The following UBB variants were observed in gnomAD, a reference collection of about 807,000 sequenced individuals.
The protein encoded by UBB is polyubiquitin-B.
Under a neutral mutation model 12.5 loss-of-function variants are expected in UBB, and 11 were observed. The ratio of observed to expected loss-of-function variants is 0.88; its 90% CI spans 0.55 to 1.45. The LOEUF is 1.45. UBB is among the 40% of genes most tolerant of loss of function. UBB has a pLI of 0.00. For missense variants in UBB, 76 were observed against 286.9 expected (o/e 0.26, Z 5.31); for synonymous variants, 168 against 120.1 (o/e 1.40, Z -2.61).
chr17:16,382,431 T>C lies in UBB; in HGVS notation c.524T>C (p.Ile175Thr). The change falls in exon 2 of 2, where the codon ATC becomes ACC. Residue 175 changes from isoleucine to threonine, a missense_variant. Transcript: ENST00000302182. ...ITLEVEPSDT[I>T]ENVKAKIQDK... ...CTGGAGGTGGAGCCCAGTGACACCA[T>C]CGAAAATGTGAAGGCCAAGATCCAA... The C allele has an allele frequency of 6.2e-7, 1 of 1,608,298 alleles. No individual in the cohort carries two copies. The highest frequency in any genetic ancestry group is 8.5e-7 in the Non-Finnish European group (1 of 1,179,088).
rs750901477 is a variant in UBB at position 16,382,501 on chromosome 17, A to G, written c.594A>G (p.Ala198=). The G allele has an allele frequency of 8.1e-6, 13 of 1,613,248 alleles. No individual in the cohort carries two copies. Among genetic ancestry groups the G allele is most frequent in the Admixed American group, 3.3e-5 (2 of 59,958 alleles). The change falls in exon 2 of 2, where the codon GCA becomes GCG. Residue 198 remains alanine, a synonymous_variant. Transcript: ENST00000302182. ...IPPDQQRLIF[A]GKQLEDGRTL... Reference sequence around the variant, plus strand: ...CCGACCAGCAGAGGCTCATCTTTGCAGGCAAGCAGCTGGAAGATGGCCGCA... The same window carrying G: ...CCGACCAGCAGAGGCTCATCTTTGCGGGCAAGCAGCTGGAAGATGGCCGCA...
chr17:16,381,975 T>C lies in UBB; in HGVS notation c.68T>C (p.Ile23Thr), dbSNP rs1232134357. The C allele has an allele frequency of 3.1e-6, 5 of 1,613,616 alleles. No individual in the cohort carries two copies. The highest frequency in any genetic ancestry group is 2.5e-6 in the Non-Finnish European group (3 of 1,179,832). The change falls in exon 2 of 2, where the codon ATC becomes ACC. Residue 23 changes from isoleucine to threonine, a missense_variant. Physicochemically the swap from Ile to Thr is moderately conservative, Grantham distance 89. Transcript: ENST00000302182. ...CTTGAGGTGGAGCCCAGTGACACCA[T>C]CGAAAATGTGAAGGCCAAGATCCAG... ...ITLEVEPSDT[I>T]ENVKAKIQDK...
In UBB at chr17:16,382,084, C is replaced by G; in HGVS notation, c.177C>G (p.Tyr59Ter). The G allele has an allele frequency of 1.2e-6, 2 of 1,609,088 alleles. No homozygotes were observed. Among genetic ancestry groups the G allele is most frequent in the Non-Finnish European group, 1.7e-6 (2 of 1,178,580 alleles). Residue 59 changes from tyrosine to a stop codon, truncating the protein, a stop_gained, in exon 2 of 2, where the codon TAC becomes TAG. Coordinates refer to ENST00000302182, the MANE Select transcript of UBB (RefSeq NM_018955.4). LOFTEE classifies it high-confidence loss of function. ...AAGATGGCCGTACTCTTTCTGACTA[C>G]AACATCCAGAAGGAGTCGACCCTGC... ...QLEDGRTLSDYNIQKESTLHL... is the reference protein window; with the variant it reads ...QLEDGRTLSD
intron 1 of UBB, 93 bp from the exon 2 acceptor site, chr17:16,381,809 A>G: frequency 6.9e-7 from 1 of 1,441,286 alleles, no homozygotes; most frequent in Non-Finnish European, 9.3e-7. Flanking sequence ...GGCATTTTGA[A>G]GGAATAGTTG....
rs757183745 is a variant in UBB, at chr17:16,382,617, G to T, written c.*20G>T. 3 of 1,613,308 alleles carry T rather than the reference G, an allele frequency of 1.9e-6. No individual in the cohort carries two copies. The highest frequency in any genetic ancestry group is 2.2e-5 in the East Asian group (1 of 44,872). ...TGTTAATTCTTCAGTCATGGCATTCGCAGTGCCCAGTGATGGCATTACTCT... is the reference window on the plus strand; with the variant it reads ...TGTTAATTCTTCAGTCATGGCATTCTCAGTGCCCAGTGATGGCATTACTCT... On this transcript the variant is annotated 3_prime_UTR_variant, in exon 2 of 2. Coordinates refer to ENST00000302182, the MANE Select transcript of UBB (RefSeq NM_018955.4).
chr17:16,381,789 A>T, intron 1 of UBB, 113 bp from the exon 2 acceptor site: 1 of 1,317,680 alleles, frequency 7.6e-7, no homozygotes, highest in Non-Finnish European at 1.0e-6. Flanking sequence ...CGGAATATTA[A>T]CGTATTTAAG....
rs764413059 is a variant in UBB, at chr17:16,382,381, G to A, written c.474G>A (p.Lys158=). Residue 158 remains lysine (K), a synonymous_variant, in exon 2 of 2, where the codon AAG becomes AAA. Transcript: ENST00000302182. ...GAGGTGGTATGCAGATCTTCGTGAA[G>A]ACCCTGACCGGCAAGACCATCACTC... The part of the protein sequence containing the change: ...RLRGGMQIFV[K]TLTGKTITLE... 10 of 1,601,830 alleles carry A rather than the reference G, an allele frequency of 6.2e-6. No homozygotes were observed. Among genetic ancestry groups the A allele is most frequent in the Non-Finnish European group, 2.5e-6 (3 of 1,176,668 alleles).
At chr17:16,381,580 C>T (rs1376423912) in intron 1 of UBB, 1 of 330,524 alleles carries the variant, frequency 3.0e-6, no homozygotes, top group Non-Finnish European at 5.6e-6. Context: ...GTTTTGTTTT[C>T]AGTTTGCCTA....
chr17:16,380,886 C>T (rs2093272307), upstream of UBB: 1 of 153,734 alleles, frequency 6.5e-6, no homozygotes, highest in African/African-American at 2.4e-5. Context: ...GGAAGAGAAG[C>T]GCATAGAGGA....
At position 16,382,719 on chromosome 17, in the gene UBB, A is replaced by C; in HGVS notation, c.*122A>C. On this transcript the variant is annotated 3_prime_UTR_variant, in exon 2 of 2. Coordinates refer to ENST00000302182, the MANE Select transcript of UBB (RefSeq NM_018955.4). ...ATAGCTGAACCTGTTCAAAATGTTAATAAAGGTTTCGTTGCATGGTAGCAT... is the reference window on the plus strand; with the variant it reads ...ATAGCTGAACCTGTTCAAAATGTTACTAAAGGTTTCGTTGCATGGTAGCAT... The C allele has an allele frequency of 7.3e-7, 1 of 1,366,442 alleles. No individual in the cohort carries two copies. The highest frequency in any genetic ancestry group is 9.9e-7 in the Non-Finnish European group (1 of 1,008,368). 84.6% of individuals were successfully genotyped at this position (1,366,442 alleles called of 1,614,324 possible). A position where few individuals can be genotyped will look rare whatever the true frequency, so the allele number is the denominator to read the frequency against.
At position 16,382,090 on chromosome 17, in the gene UBB, C is replaced by T. The variant is rs9908960; in HGVS notation, c.183C>T (p.Ile61=). 35,030 of 1,606,966 alleles carry T rather than the reference C, an allele frequency of 0.022. 759 individuals carry two copies. The highest frequency in any genetic ancestry group is 0.14 in the African/African-American group (10,059 of 72,540). The change falls in exon 2 of 2, where the codon ATC becomes ATT. Residue 61 remains isoleucine (I), a synonymous_variant. Transcript: ENST00000302182. ...GCCGTACTCTTTCTGACTACAACAT[C>T]CAGAAGGAGTCGACCCTGCACCTGG... ...EDGRTLSDYN[I]QKESTLHLVL...
chr17:16,381,782 A>T, intron 1 of UBB, 120 bp from the exon 2 acceptor site: 1 of 1,279,642 alleles, frequency 7.8e-7, no homozygotes, highest in Non-Finnish European at 1.1e-6. Context: ...AGGCTTGCGG[A>T]ATATTAACGT....
At position 16,381,721 on chromosome 17, in the gene UBB, C is replaced by G. The variant is rs1340375691; in HGVS notation, c.-6-181C>G. The G allele has an allele frequency of 1.6e-5, 14 of 883,912 alleles. No individual in the cohort carries two copies. The South Asian group carries it at 1.8e-4, about 12-fold the overall frequency. The allele number at this position is 883,912 out of a possible 1,614,324, so 54.8% of individuals were successfully genotyped here. On this transcript the variant is annotated intron_variant, in intron 1 of 1. Coordinates refer to ENST00000302182, the MANE Select transcript of UBB (RefSeq NM_018955.4). ...GATTTTCCGCTGTTGACGTTGAAAC[C>G]TTGAATGACGAATTTCGTATTAAGT...
Position 16,382,510 on chromosome 17 carries a change from G to A in UBB, c.603G>A (p.Gln201=). The A allele has an allele frequency of 6.2e-7, 1 of 1,613,420 alleles. No individual in the cohort carries two copies. The highest frequency in any genetic ancestry group is 1.3e-5 in the African/African-American group (1 of 74,922). Residue 201 remains glutamine, a synonymous_variant, in exon 2 of 2, where the codon CAG becomes CAA. Coordinates refer to ENST00000302182, the MANE Select transcript of UBB (RefSeq NM_018955.4). ...AGAGGCTCATCTTTGCAGGCAAGCA[G>A]CTGGAAGATGGCCGCACTCTTTCTG... ...DQQRLIFAGK[Q]LEDGRTLSDY...
rs2093279675 is a variant in UBB at position 16,382,487 on chromosome 17, A to C, written c.580A>C (p.Arg194=). The C allele has an allele frequency of 6.2e-7, 1 of 1,612,604 alleles. No homozygotes were observed. Among genetic ancestry groups the C allele is most frequent in the Middle Eastern group, 1.7e-4 (1 of 5,866 alleles). The stretch of plus-strand genomic sequence containing the variant: ...AGAAGGCATCCCCCCCGACCAGCAG[A>C]GGCTCATCTTTGCAGGCAAGCAGCT... The part of the protein sequence containing the change: ...DKEGIPPDQQ[R]LIFAGKQLED... The change falls in exon 2 of 2, where the codon AGG becomes CGG. Residue 194 remains arginine (R), a synonymous_variant. Coordinates refer to ENST00000302182, the MANE Select transcript of UBB (RefSeq NM_018955.4).
chr17:16,382,071 C>A lies in UBB; in HGVS notation c.164C>A (p.Thr55Asn). 6.2e-7 allele frequency: 1 copy of A among 1,610,386 alleles called. No homozygotes were observed. The highest frequency in any genetic ancestry group is 8.5e-7 in the Non-Finnish European group (1 of 1,179,014). ...FAGKQLEDGR[T>N]LSDYNIQKES... is the part of the protein sequence containing the mutation. ...GGCAAGCAGCTGGAAGATGGCCGTA[C>A]TCTTTCTGACTACAACATCCAGAAG... Residue 55 changes from threonine (T) to asparagine (N), a missense_variant, in exon 2 of 2, where the codon ACT becomes AAT. By Grantham distance (65) the Thr-to-Asn change is moderately conservative (BLOSUM62 0). Coordinates refer to ENST00000302182, the MANE Select transcript of UBB (RefSeq NM_018955.4).
chr17:16,381,315 G>C (rs546898713), intron 1 of UBB, 131 bp downstream of exon 1: 1 of 161,686 alleles, frequency 6.2e-6, no homozygotes, highest in South Asian at 1.6e-4. Flanking sequence ...GCGAGGTGAC[G>C]CGGCGCTGGG....
At position 16,381,836 on chromosome 17, in the gene UBB, T is replaced by A. The variant is rs892851405; in HGVS notation, c.-6-66T>A. 3 of 1,554,072 alleles carry A rather than the reference T, an allele frequency of 1.9e-6. No homozygotes were observed. The African/African-American group carries it at 4.1e-5, about 21-fold the overall frequency. On this transcript the variant is annotated intron_variant, in intron 1 of 1. Transcript: ENST00000302182. ...GAATAGTTGCTAATTTTGAAGAATA[T>A]TAGGTGTAAAAGCAAGAAATACAAT... is the stretch of plus-strand genomic sequence containing the variant.
In UBB at chr17:16,382,059, A is replaced by C; in HGVS notation, c.152A>C (p.Glu51Ala). 1 of 1,611,512 alleles carries C rather than the reference A, an allele frequency of 6.2e-7. No individual in the cohort carries two copies. The highest frequency in any genetic ancestry group is 8.5e-7 in the Non-Finnish European group (1 of 1,179,290). ...QRLIFAGKQL[E>A]DGRTLSDYNI... ...CTCATCTTTGCAGGCAAGCAGCTGG[A>C]AGATGGCCGTACTCTTTCTGACTAC... Residue 51 changes from glutamate (E) to alanine (A), a missense_variant, in exon 2 of 2, where the codon GAA (glutamate) becomes GCA (alanine). Glu to Ala is a moderately radical substitution (Grantham distance 107, BLOSUM62 -1). Transcript: ENST00000302182.
Sources: gnomAD v4.1 joint callset for allele counts on GRCh38, gnomAD v4.1.1 for gene constraint, MANE v1.5 for transcripts, NCBI Gene and HGNC (gene_info 2026-07-23, HGNC 2026-07-21) for gene names.